Variants in RHOBTB1 observed in about 807,000 individuals in gnomAD.
RHOBTB1 encodes Rho related BTB domain containing 1, also known as rho-related BTB domain-containing protein 1.
Under a neutral mutation model 71.6 loss-of-function variants are expected in RHOBTB1, and 40 were observed. The observed-to-expected ratio is 0.56, with a 90% confidence interval of 0.43 to 0.73. The LOEUF (loss-of-function observed/expected upper bound fraction) is 0.73. Ranked by LOEUF, RHOBTB1 falls within the 30% of genes least tolerant of loss-of-function variation. The probability of loss-of-function intolerance (pLI) is 0.00; values close to 1 mark genes in which losing one functional copy is unlikely to be tolerated. For missense variants in RHOBTB1, 797 were observed against 894.0 expected (o/e 0.89, Z 1.38); for synonymous variants, 319 against 334.9 (o/e 0.95, Z 0.52).
chr10:60,918,225 C>T (rs1186969174), intron 2 of RHOBTB1, among the ~76,000 whole-genome samples: 2 of 152,180 alleles, frequency 1.3e-5, no homozygotes, highest in African/African-American at 4.8e-5. Flanking sequence ...TTAATGGTGA[C>T]TCTCTCTGAG....
At chr10:60,988,413 G>T (rs1164513491) in intron 1 of RHOBTB1, among the ~76,000 whole-genome samples, 10 of 151,818 alleles carry the variant, frequency 6.6e-5, no homozygotes. Context: ...TGTTACCCAG[G>T]TAGTGAGCAT....
chr10:60,971,856 C>A (rs1020816957), intron 2 of RHOBTB1, among the ~76,000 whole-genome samples: 8 of 152,040 alleles, frequency 5.3e-5, no homozygotes, highest in African/African-American at 1.9e-4. Flanking sequence ...AAGAATAAAA[C>A]AACCCCATCA....
At chr10:60,912,447 G>A (rs2083043287) in intron 2 of RHOBTB1, among the ~76,000 whole-genome samples, 1 of 151,956 alleles carries the variant, frequency 6.6e-6, no homozygotes, top group African/African-American at 2.4e-5. Flanking sequence ...TTGGCCAGCT[G>A]GTCTCAAACT....
chr10:60,885,455 G>A (rs564853910), intron 7 of RHOBTB1, among the ~76,000 whole-genome samples: 3 of 152,322 alleles, frequency 2.0e-5, no homozygotes, highest in African/African-American at 4.8e-5. Context: ...AGTACCTTGA[G>A]AGGTGTGTTC....
intron 4 of RHOBTB1, among the ~76,000 whole-genome samples, chr10:60,899,049 A>G (rs2133007313): frequency 6.6e-6 from 1 of 152,326 alleles, no homozygotes; most frequent in South Asian, 2.1e-4. Context: ...GGCCTTGCCA[A>G]AGAAGGTTGT....
At chr10:60,904,139 G>A (rs1291254158) in intron 4 of RHOBTB1, among the ~76,000 whole-genome samples, 3 of 151,866 alleles carry the variant, frequency 2.0e-5, no homozygotes, top group South Asian at 2.1e-4. Flanking sequence ...TAGAGATGGG[G>A]CTACACCATG....
chr10:60,906,502 T>C (rs1395262703), intron 4 of RHOBTB1, among the ~76,000 whole-genome samples: 1 of 152,172 alleles, frequency 6.6e-6, no homozygotes, highest in Non-Finnish European at 1.5e-5. Context: ...GCATGGTGGA[T>C]GGGGAAGATA....
At chr10:60,963,999 A>G (rs2085872184) in intron 2 of RHOBTB1, among the ~76,000 whole-genome samples, 1 of 152,056 alleles carries the variant, frequency 6.6e-6, no homozygotes, top group South Asian at 2.1e-4. Context: ...ACCTTTCCCC[A>G]CTGTCTCACA....
chr10:60,892,990 T>G lies in RHOBTB1; in HGVS notation c.302A>C (p.Asp101Ala). ...KDRRFAYGRSDVVVLCFSIAN... is the reference protein window; with the variant it reads ...KDRRFAYGRSAVVVLCFSIAN... ...AATCGAAAAACAGAGGACCACAACA[T>G]CAGACCTAAAAGGAAATCATAAAAG... Residue 101 changes from aspartate (D) to alanine (A), a missense_variant, in exon 5 of 11, where the codon GAT becomes GCT. By Grantham distance (126) the Asp-to-Ala change is moderately radical (BLOSUM62 -2). Coordinates refer to ENST00000337910, the MANE Select transcript of RHOBTB1 (RefSeq NM_014836.5). 1 of 1,611,520 alleles carries G rather than the reference T, an allele frequency of 6.2e-7. No homozygotes were observed. The highest frequency in any genetic ancestry group is 8.5e-7 in the Non-Finnish European group (1 of 1,178,942).
chr10:60,985,914 C>T (rs761103738), exon 2 of RHOBTB1: 16 of 152,206 alleles, frequency 1.1e-4, no homozygotes, highest in Non-Finnish European at 2.1e-4. Flanking sequence ...ATGAAGAGGC[C>T]TCTTTCATGT....
At chr10:60,886,317 C>T (rs574518602) in intron 6 of RHOBTB1, 87 bp from the exon 7 acceptor site, 139 of 866,786 alleles carry the variant, frequency 1.6e-4, no homozygotes, top group South Asian at 1.2e-3. Context: ...CACCAAACTG[C>T]GACTCCCTTA....
intron 1 of RHOBTB1, among the ~76,000 whole-genome samples, chr10:60,943,183 C>T (rs1409410016): frequency 1.3e-5 from 2 of 152,214 alleles, no homozygotes; most frequent in African/African-American, 4.8e-5. Context: ...CTGTGCTTGG[C>T]GCTCCCTTCT....
intron 1 of RHOBTB1, among the ~76,000 whole-genome samples, chr10:60,996,213 T>C (rs1047315556): frequency 1.3e-5 from 2 of 152,204 alleles, no homozygotes; most frequent in Non-Finnish European, 2.9e-5. Context: ...TACATATCAA[T>C]GAAGACTCTT....
chr10:60,929,551 A>G (rs1427091259), intron 2 of RHOBTB1, among the ~76,000 whole-genome samples: 1 of 152,150 alleles, frequency 6.6e-6, no homozygotes, highest in East Asian at 1.9e-4. Flanking sequence ...GCTTTAAAGA[A>G]CTATGGAAAC....
intron 2 of RHOBTB1, among the ~76,000 whole-genome samples, chr10:60,914,450 C>G (rs149854510): frequency 6.6e-6 from 1 of 152,120 alleles, no homozygotes; most frequent in South Asian, 2.1e-4. Flanking sequence ...AAACCTTACT[C>G]TTTTAAGGGT....
chr10:60,918,939 T>C (rs890476114), intron 2 of RHOBTB1, among the ~76,000 whole-genome samples: 1 of 151,882 alleles, frequency 6.6e-6, no homozygotes, highest in Admixed American at 6.6e-5. Context: ...AGAGATGGGG[T>C]TTCTCCATGT....
intron 4 of RHOBTB1, among the ~76,000 whole-genome samples, chr10:60,898,653 T>G (rs7894065): frequency 0.37 from 56,214 of 152,016 alleles, 11,224 homozygotes; most frequent in East Asian, 0.58. Flanking sequence ...TGTGAGCAGA[T>G]AAATCAAGTT....
chr10:60,920,749 G>T (rs1198031164), intron 2 of RHOBTB1, among the ~76,000 whole-genome samples: 2 of 151,568 alleles, frequency 1.3e-5, no homozygotes, highest in African/African-American at 2.4e-5. Flanking sequence ...TCCACCTCTC[G>T]GCTCAGGCCA....
intron 4 of RHOBTB1, among the ~76,000 whole-genome samples, chr10:60,907,058 C>T (rs1162588051): frequency 6.6e-6 from 1 of 152,236 alleles, no homozygotes; most frequent in African/African-American, 2.4e-5. Context: ...CCTGCACATG[C>T]TCTCTCTCTT....
Sources: allele counts gnomAD v4.1 joint callset (sites outside exome capture counted in the v4.1 genomes callset), GRCh38; gene constraint gnomAD v4.1.1; transcripts MANE v1.5; gene names NCBI Gene and HGNC (gene_info 2026-07-23, HGNC 2026-07-21).